The following KSR2 variants were observed in gnomAD, a reference collection of about 807,000 sequenced individuals.
KSR2 encodes the protein kinase suppressor of ras 2.
Under a neutral mutation model 107.8 loss-of-function variants are expected in KSR2, and 25 were observed. The ratio of observed to expected loss-of-function variants is 0.23; its 90% CI spans 0.17 to 0.32. The LOEUF (loss-of-function observed/expected upper bound fraction) is 0.32, where lower values mean the gene tolerates loss of function less well. Among genes scored for constraint, KSR2 ranks in the 10% least tolerant of loss-of-function variants. The pLI is 1.00. For synonymous variants in KSR2, 480 were observed against 507.0 expected (o/e 0.95, Z 0.71); for missense variants, 887 against 1,268.9 (o/e 0.70, Z 4.57).
intron 5 of KSR2, among the ~76,000 whole-genome samples, chr12:117,656,991 T>TATATAATAGG: frequency 9.3e-6 from 1 of 107,268 alleles, no homozygotes; most frequent in African/African-American, 4.6e-5. Context: ...GATATATATA[T>TATATAATAGG]ATATATATAT....
At chr12:117,799,522 G>T (rs1467661822) in intron 3 of KSR2, among the ~76,000 whole-genome samples, 1 of 151,730 alleles carries the variant, frequency 6.6e-6, no homozygotes, top group Non-Finnish European at 1.5e-5. Flanking sequence ...AAAAAAAAAG[G>T]TCAGAATGGC....
At chr12:117,616,506 C>T (rs888461982) in intron 5 of KSR2, among the ~76,000 whole-genome samples, 3 of 152,158 alleles carry the variant, frequency 2.0e-5, no homozygotes, top group Non-Finnish European at 4.4e-5. Flanking sequence ...AGTACCTGCC[C>T]TTGACTAAAG....
intron 4 of KSR2, among the ~76,000 whole-genome samples, chr12:117,729,066 G>T (rs769435415): frequency 5.9e-5 from 9 of 152,130 alleles, no homozygotes; most frequent in Non-Finnish European, 1.2e-4. Context: ...CTGCTAGGGG[G>T]CCAAACTCAG....
intron 14 of KSR2, among the ~76,000 whole-genome samples, chr12:117,498,334 T>C (rs2137169864): frequency 6.6e-6 from 1 of 152,208 alleles, no homozygotes; most frequent in South Asian, 2.1e-4. Flanking sequence ...AGGGCCATGT[T>C]AATCCTTATC....
At position 117,918,296 on chromosome 12, in the gene KSR2, C is replaced by G. The variant is rs530854406; in HGVS notation, c.180+49780G>C. ...AATCCTAAAACATGTCTCTAATCTG[C>G]CACTCTCCTGCTCAAGAACACTAGC... is the stretch of plus-strand genomic sequence containing the variant. On this transcript the variant is annotated intron_variant, in intron 1 of 19. Coordinates refer to ENST00000339824, the MANE Select transcript of KSR2 (RefSeq NM_173598.6). 4.6e-5 allele frequency among the ~76,000 whole-genome samples: 7 copies of G among 152,260 alleles called. No homozygotes were observed. The East Asian group carries it at 1.4e-3, about 29-fold the overall frequency.
At chr12:117,796,559 G>A (rs776686646) in intron 3 of KSR2, among the ~76,000 whole-genome samples, 6 of 152,122 alleles carry the variant, frequency 3.9e-5, no homozygotes, top group Admixed American at 6.5e-5. Context: ...CGAAGACTGC[G>A]GACTTCACAG....
At position 117,701,677 on chromosome 12, in the gene KSR2, T is replaced by A. The variant is rs866957315; in HGVS notation, c.987-34019A>T. On this transcript the variant is annotated intron_variant, in intron 4 of 19. Coordinates refer to ENST00000339824, the MANE Select transcript of KSR2 (RefSeq NM_173598.6). ...GTCCTACCTCCAATGACAGGTGTCT[T>A]TGTAAGAGAAAGGCAGGGAAGATTT... is the stretch of plus-strand genomic sequence containing the variant. 2.0e-5 allele frequency among the ~76,000 whole-genome samples: 3 copies of A among 152,176 alleles called. No homozygotes were observed. In the South Asian group the frequency reaches 6.2e-4, roughly 32 times the overall value.
chr12:117,529,362 T>G (rs190829441), intron 12 of KSR2, among the ~76,000 whole-genome samples: 1 of 152,186 alleles, frequency 6.6e-6, no homozygotes, highest in Non-Finnish European at 1.5e-5. Flanking sequence ...ATTACAGTTG[T>G]GTGCCACCAC....
chr12:117,746,686 G>A (rs1888417848), intron 4 of KSR2, among the ~76,000 whole-genome samples: 1 of 151,760 alleles, frequency 6.6e-6, no homozygotes, highest in Admixed American at 6.6e-5. Context: ...CTACTCATCT[G>A]ACAAAGGTCT....
rs536465215 is a variant in KSR2, at chr12:117,629,150, C to T, written c.1171+38324G>A. 1.6e-4 allele frequency among the ~76,000 whole-genome samples: 24 copies of T among 152,330 alleles called. No individual in the cohort carries two copies. In the East Asian group the frequency reaches 3.9e-3, roughly 24 times the overall value. ...GAAAGGGAAATCCCCCAACCCCATGCGCTTCCCAGGTGAGTTGATGACCCG... is the reference window on the plus strand; with the variant it reads ...GAAAGGGAAATCCCCCAACCCCATGTGCTTCCCAGGTGAGTTGATGACCCG... On this transcript the variant is annotated intron_variant, in intron 5 of 19. Transcript: ENST00000339824.
chr12:117,952,600 C>T (rs950722522), intron 1 of KSR2, among the ~76,000 whole-genome samples: 4 of 151,902 alleles, frequency 2.6e-5, no homozygotes, highest in Admixed American at 6.6e-5. Flanking sequence ...TGCTTGAACC[C>T]GGGAGGCGGA....
chr12:117,551,530 T>C (rs749108529), intron 9 of KSR2, among the ~76,000 whole-genome samples: 11 of 152,134 alleles, frequency 7.2e-5, no homozygotes, highest in Non-Finnish European at 1.0e-4. Flanking sequence ...GTTAAAGAGC[T>C]GAGTTGCAAG....
intron 14 of KSR2, among the ~76,000 whole-genome samples, chr12:117,503,821 C>A (rs1873522675): frequency 6.6e-6 from 1 of 152,110 alleles, no homozygotes. Flanking sequence ...GAAAAGAAGA[C>A]AGACAGGGAC....
intron 3 of KSR2, among the ~76,000 whole-genome samples, chr12:117,796,201 G>T (rs1253640984): frequency 6.6e-6 from 1 of 152,202 alleles, no homozygotes; most frequent in Non-Finnish European, 1.5e-5. Context: ...AAGGTGCTGG[G>T]ATTAAAGGCG....
At chr12:117,855,291 T>C in intron 3 of KSR2, 137 bp downstream of exon 3, 1 of 1,113,132 alleles carries the variant, frequency 9.0e-7, no homozygotes, top group Non-Finnish European at 1.3e-6. Context: ...ACGCTGCCTC[T>C]TCCTGCGTTT....
chr12:117,882,580 T>C (rs1273115837), intron 1 of KSR2, among the ~76,000 whole-genome samples: 2 of 151,622 alleles, frequency 1.3e-5, no homozygotes, highest in Non-Finnish European at 2.9e-5. Flanking sequence ...CAACCACCCA[T>C]CCAACCATCC....
At chr12:117,726,965 T>A (rs187554810) in intron 4 of KSR2, among the ~76,000 whole-genome samples, 1 of 152,092 alleles carries the variant, frequency 6.6e-6, no homozygotes, top group African/African-American at 2.4e-5. Flanking sequence ...TACGTTGAAG[T>A]CTTAACCCCC....
At position 117,794,446 on chromosome 12, in the gene KSR2, GCA is replaced by G. The variant is rs1176222013; in HGVS notation, c.473-32924_473-32923del. ...ACAACATGCACACTCACACCAACAT[GCA>G]CACACACCAACATGCACACTCACAC... On this transcript the variant is annotated intron_variant, in intron 3 of 19. Coordinates refer to ENST00000339824, the MANE Select transcript of KSR2 (RefSeq NM_173598.6). 2.5e-4 allele frequency among the ~76,000 whole-genome samples: 10 copies of G among 39,216 alleles called. 1 individual carries two copies. Among genetic ancestry groups the G allele is most frequent in the Admixed American group, 1.2e-3 (3 of 2,446 alleles). The allele number at this position is 39,216 out of a possible 152,430, so 25.7% of individuals were successfully genotyped here. A position where few individuals can be genotyped will look rare whatever the true frequency, so the allele number is the denominator to read the frequency against.
chr12:117,840,218 G>A (rs1302427830), intron 3 of KSR2, among the ~76,000 whole-genome samples: 1 of 151,622 alleles, frequency 6.6e-6, no homozygotes, highest in African/African-American at 2.4e-5. Flanking sequence ...CTGCCTCGAC[G>A]CTCTGAGTAG....
Sources: gnomAD v4.1 joint callset for allele counts (sites outside exome capture counted in the v4.1 genomes callset) on GRCh38, gnomAD v4.1.1 for gene constraint, MANE v1.5 for transcripts, NCBI Gene and HGNC (gene_info 2026-07-23, HGNC 2026-07-21) for gene names.